The following JDP2 variants were observed in gnomAD, a reference collection of about 807,000 sequenced individuals.
The protein encoded by JDP2 is progesterone receptor co-activator.
Under a neutral mutation model 17.1 loss-of-function variants are expected in JDP2, and 9 were observed. The ratio of observed to expected loss-of-function variants is 0.53; its 90% CI spans 0.32 to 0.92. JDP2 has a LOEUF of 0.92. JDP2 is among the 40% of genes least tolerant of loss of function. The pLI is 0.04. For missense variants in JDP2, 179 were observed against 220.0 expected, an observed-to-expected ratio of 0.81 and a Z score of 1.18; for synonymous variants, 107 against 95.6, an observed-to-expected ratio of 1.12 and a Z score of -0.69.
Position 75,473,526 on chromosome 14 carries a change from T to C in JDP2, c.*4051T>C, listed in dbSNP as rs1408419306. 6.6e-6 allele frequency: 1 copy of C among 152,206 alleles called. No homozygotes were observed. The highest frequency in any genetic ancestry group is 2.4e-5 in the African/African-American group (1 of 41,442). 9.4% of individuals were successfully genotyped at this position (152,206 alleles called of 1,614,324 possible). ...GGCAAAAGGAAATGTACAAGAATGT[T>C]CACTGATGGCTTTGTTTGTATTTTT... On this transcript the variant is annotated 3_prime_UTR_variant, in exon 4 of 4. Transcript: ENST00000651602.
At chr14:75,435,524 C>T (rs976943270) in intron 1 of JDP2, among the ~76,000 whole-genome samples, 2 of 152,128 alleles carry the variant, frequency 1.3e-5, no homozygotes, top group Non-Finnish European at 2.9e-5. Context: ...ACCTATTGGA[C>T]CCCAGAAAGG....
chr14:75,452,822 G>A (rs1207865581), intron 2 of JDP2, among the ~76,000 whole-genome samples: 1 of 152,138 alleles, frequency 6.6e-6, no homozygotes, highest in Non-Finnish European at 1.5e-5. Context: ...TGCAACCCCA[G>A]CCTTAGACTG....
At chr14:75,427,528 C>T, upstream of JDP2, 1 of 152,666 alleles carries the variant, frequency 6.6e-6, no homozygotes, top group Non-Finnish European at 1.5e-5. The surrounding 1 kb of genome is among the most constrained non-coding windows in gnomAD (Gnocchi z 4.4). Context: ...CTGTCGCTCT[C>T]AGTTTGTGGG....
In JDP2 at chr14:75,461,470, C is replaced by T; in HGVS notation, c.246C>T (p.Asn82=). Residue 82 remains asparagine, a synonymous_variant, in exon 3 of 4, where the codon AAC becomes AAT. Coordinates refer to ENST00000651602, the MANE Select transcript of JDP2 (RefSeq NM_001135048.2). ...EERRKRRREK[N]KVAAARCRNK... is the part of the protein sequence containing the mutation. ...GAAGGAAAAGGCGCCGGGAGAAGAA[C>T]AAAGTCGCAGCAGCCCGATGCCGGA... 1.2e-6 allele frequency: 2 copies of T among 1,610,538 alleles called. No individual in the cohort carries two copies. Among genetic ancestry groups the T allele is most frequent in the Non-Finnish European group, 1.7e-6 (2 of 1,179,040 alleles).
At chr14:75,459,735 C>A (rs939821987) in intron 2 of JDP2, among the ~76,000 whole-genome samples, 2 of 152,224 alleles carry the variant, frequency 1.3e-5, no homozygotes, top group Admixed American at 1.3e-4. Flanking sequence ...AACGGCTTCT[C>A]TAATGGCCTA....
At chr14:75,464,845 T>G (rs917707780) in intron 3 of JDP2, among the ~76,000 whole-genome samples, 1 of 152,218 alleles carries the variant, frequency 6.6e-6, no homozygotes, top group Admixed American at 6.5e-5. Context: ...ATCCTCCATC[T>G]GCGGTCAGGA....
In JDP2 at chr14:75,430,120, T is replaced by C. The variant is rs527578165; in HGVS notation, c.-24+1868T>C. 5.3e-5 allele frequency among the ~76,000 whole-genome samples: 8 copies of C among 152,326 alleles called. No individual in the cohort carries two copies. In the South Asian group the frequency reaches 1.7e-3, roughly 32 times the overall value. Reference sequence around the variant, plus strand: ...TGCTCCTCCTGACTCCCTGGGTTTGTTGTCATCTCCCTACCTGTTTGTAGG... The same window carrying C: ...TGCTCCTCCTGACTCCCTGGGTTTGCTGTCATCTCCCTACCTGTTTGTAGG... On this transcript the variant is annotated intron_variant, in intron 1 of 3. Coordinates refer to ENST00000651602, the MANE Select transcript of JDP2 (RefSeq NM_001135048.2). The surrounding 1 kb of genome is among the most constrained non-coding windows in gnomAD (Gnocchi z 4.5).
In JDP2 at chr14:75,469,445, C is replaced by T; in HGVS notation, c.462C>T (p.Asn154=). 1.2e-6 allele frequency: 2 copies of T among 1,613,838 alleles called. No individual in the cohort carries two copies. The highest frequency in any genetic ancestry group is 1.7e-6 in the Non-Finnish European group (2 of 1,179,894). The change falls in exon 4 of 4, where the codon AAC becomes AAT. Residue 154 remains asparagine (N), a synonymous_variant. Transcript: ENST00000651602. ...TCAAGACCCCCGAGTCAGAAGGCAA[C>T]CCACTGCTCGAGCAGCTCGAGAAGA... ...DSVKTPESEG[N]PLLEQLEKK
intron 3 of JDP2, among the ~76,000 whole-genome samples, chr14:75,461,878 C>T (rs943337933): frequency 2.0e-5 from 3 of 152,316 alleles, no homozygotes; most frequent in East Asian, 1.9e-4. Context: ...CTACCAAAGT[C>T]GTCTAGGGTG....
chr14:75,447,391 C>T (rs145470799), intron 2 of JDP2, among the ~76,000 whole-genome samples: 7 of 152,218 alleles, frequency 4.6e-5, no homozygotes, highest in East Asian at 1.9e-4. Context: ...AGAGAGCTGA[C>T]GCTCAGAAGA....
At chr14:75,427,627 C>T (rs1046744637), upstream of JDP2, 1 of 152,924 alleles carries the variant, frequency 6.5e-6, no homozygotes, top group Admixed American at 6.5e-5. The surrounding 1 kb of genome is among the most constrained non-coding windows in gnomAD (Gnocchi z 4.4). Flanking sequence ...TCTCGCGTCT[C>T]TCTCCTAGGG....
rs1381363479 is a variant in JDP2 at position 75,437,942 on chromosome 14, G to T, written c.22G>T (p.Asp8Tyr). ...TGCTATGATGCCTGGGCAGATCCCG[G>T]ACCCTTCGGTGACCACAGGCTCCCT... MMPGQIP[D>Y]PSVTTGSLPG... The change falls in exon 2 of 4, where the codon GAC (aspartate) becomes TAC (tyrosine). Residue 8 changes from aspartate to tyrosine, a missense_variant. Coordinates refer to ENST00000651602, the MANE Select transcript of JDP2 (RefSeq NM_001135048.2). 4 of 1,612,238 alleles carry T rather than the reference G, an allele frequency of 2.5e-6. No homozygotes were observed. The highest frequency in any genetic ancestry group is 3.4e-6 in the Non-Finnish European group (4 of 1,179,396).
chr14:75,434,776 TC>T (rs1416568677), intron 1 of JDP2, among the ~76,000 whole-genome samples: 1 of 152,038 alleles, frequency 6.6e-6, no homozygotes, highest in East Asian at 1.9e-4. Context: ...GGAGTGTTTT[TC>T]TTGGGGTCTA....
intron 1 of JDP2, among the ~76,000 whole-genome samples, chr14:75,431,278 G>A (rs1050102557): frequency 1.3e-5 from 2 of 152,378 alleles, no homozygotes; most frequent in South Asian, 2.1e-4. Context: ...AGGACAAAGC[G>A]ATGTTATAGG....
intron 2 of JDP2, among the ~76,000 whole-genome samples, chr14:75,448,400 T>C (rs1363301536): frequency 6.6e-6 from 1 of 152,208 alleles, no homozygotes; most frequent in Non-Finnish European, 1.5e-5. Context: ...GGGATTCTGA[T>C]GCTCTCTGCA....
At chr14:75,457,661 G>A (rs142005004) in intron 2 of JDP2, among the ~76,000 whole-genome samples, 1 of 152,350 alleles carries the variant, frequency 6.6e-6, no homozygotes, top group East Asian at 1.9e-4. Context: ...GCTGGTGGTG[G>A]CTGTGGAACT....
chr14:75,431,734 G>A (rs747766447), intron 1 of JDP2, among the ~76,000 whole-genome samples: 2 of 152,228 alleles, frequency 1.3e-5, no homozygotes, highest in African/African-American at 4.8e-5. Flanking sequence ...GAGCTGGAAA[G>A]TGGGAGAGCG....
intron 3 of JDP2, among the ~76,000 whole-genome samples, chr14:75,464,897 T>TCTG (rs1886506933): frequency 6.6e-6 from 1 of 152,228 alleles, no homozygotes; most frequent in South Asian, 2.1e-4. Context: ...TGCTGGCAGC[T>TCTG]TCTGTCTCTC....
intron 1 of JDP2, among the ~76,000 whole-genome samples, chr14:75,437,172 CAA>C (rs11302124): frequency 0.12 from 11,984 of 98,098 alleles, 502 homozygotes; most frequent in Non-Finnish European, 0.15. Flanking sequence ...CCAGCCTGGG[CAA>C]AAAAAAAAAA....
Sources: gnomAD v4.1 joint callset for allele counts (sites outside exome capture counted in the v4.1 genomes callset) on GRCh38, gnomAD v4.1.1 for gene constraint, Gnocchi (gnomAD v3.1) non-coding constraint, MANE v1.5 for transcripts, NCBI Gene and HGNC (gene_info 2026-07-23, HGNC 2026-07-21) for gene names.